SLC35F1: variants seen among roughly 807,000 people sequenced by gnomAD.
The protein encoded by SLC35F1 is chromosome 6 open reading frame 169.
SLC35F1 carries 14 observed loss-of-function variants against 48.7 expected under a neutral mutation model. That is an observed-to-expected ratio of 0.29 (90% CI 0.19 to 0.45). The LOEUF is 0.45. Among genes scored for constraint, SLC35F1 ranks in the 20% least tolerant of loss-of-function variants. The pLI is 1.00. For missense variants in SLC35F1, 404 were observed against 500.0 expected (o/e 0.81, Z 1.83); for synonymous variants, 190 against 202.2 (o/e 0.94, Z 0.51).
intron 1 of SLC35F1, among the ~76,000 whole-genome samples, chr6:118,012,765 TG>T (rs1246453791): frequency 6.6e-6 from 1 of 152,308 alleles, no homozygotes; most frequent in South Asian, 2.1e-4. Context: ...GAAATGGAAA[TG>T]GGGGCTACTG....
At chr6:118,097,335 T>C (rs962714571) in intron 1 of SLC35F1, among the ~76,000 whole-genome samples, 21 of 152,368 alleles carry the variant, frequency 1.4e-4, no homozygotes, top group African/African-American at 5.0e-4. Context: ...AATGAATGAA[T>C]GTCTGCTTCC....
intron 1 of SLC35F1, among the ~76,000 whole-genome samples, chr6:118,132,229 T>C (rs192147007): frequency 1.3e-5 from 2 of 152,264 alleles, no homozygotes; most frequent in Non-Finnish European, 2.9e-5. Context: ...ATTCTAACAA[T>C]GGAGACTTAG....
intron 1 of SLC35F1, among the ~76,000 whole-genome samples, chr6:117,946,461 G>A (rs1348834200): frequency 6.6e-6 from 1 of 152,138 alleles, no homozygotes; most frequent in African/African-American, 2.4e-5. Context: ...CCTAAGGGCT[G>A]GAGCTTGGGT....
chr6:118,300,031 T>A (rs988094146), intron 7 of SLC35F1, among the ~76,000 whole-genome samples: 2 of 152,240 alleles, frequency 1.3e-5, no homozygotes, highest in African/African-American at 4.8e-5. Flanking sequence ...CAAATAATGC[T>A]GTTATTAAGG....
intron 1 of SLC35F1, among the ~76,000 whole-genome samples, chr6:118,049,246 A>C (rs557905652): frequency 0.021 from 3,214 of 152,304 alleles, 50 homozygotes; most frequent in South Asian, 0.053. Flanking sequence ...TGTTAGACCT[A>C]AAACCATAAA....
At chr6:118,097,015 C>T (rs1167072458) in intron 1 of SLC35F1, among the ~76,000 whole-genome samples, 1 of 152,202 alleles carries the variant, frequency 6.6e-6, no homozygotes, top group Non-Finnish European at 1.5e-5. Flanking sequence ...AAGTCTTTCA[C>T]TCTTGGTTCT....
At chr6:118,195,390 C>T (rs1027767066) in intron 2 of SLC35F1, among the ~76,000 whole-genome samples, 1 of 152,134 alleles carries the variant, frequency 6.6e-6, no homozygotes, top group African/African-American at 2.4e-5. Context: ...GACTTTGCTC[C>T]TCCCTGGGTC....
chr6:117,944,634 T>C (rs1293967676), intron 1 of SLC35F1, among the ~76,000 whole-genome samples: 2 of 145,074 alleles, frequency 1.4e-5, no homozygotes, highest in Non-Finnish European at 3.1e-5. Flanking sequence ...GAATATATTC[T>C]AAATGCAAAC....
rs150324602 is a variant in SLC35F1 at position 118,218,311 on chromosome 6, G to A, written c.350-17198G>A. ...TGAGAAGCTTCATTTCTCAGCTAGA[G>A]GACTATCTACAACCTTCAGGCACCC... On this transcript the variant is annotated intron_variant, in intron 2 of 7. Transcript: ENST00000360388. Among the ~76,000 whole-genome samples, 354 of 152,208 alleles carry A rather than the reference G, an allele frequency of 2.3e-3. 2 individuals carry two copies. The highest frequency in any genetic ancestry group is 6.2e-3 in the Admixed American group (95 of 15,284).
chr6:118,202,627 A>G (rs1042197453), intron 2 of SLC35F1, among the ~76,000 whole-genome samples: 4 of 152,246 alleles, frequency 2.6e-5, no homozygotes, highest in Non-Finnish European at 4.4e-5. Flanking sequence ...AATGTGCCAC[A>G]CATTCTTCTA....
chr6:117,952,597 T>C (rs1488330789), intron 1 of SLC35F1, among the ~76,000 whole-genome samples: 3 of 152,190 alleles, frequency 2.0e-5, no homozygotes, highest in Admixed American at 2.0e-4. Context: ...AGAAGAACCC[T>C]CTGTAGCAAC....
At chr6:118,012,695 GT>G (rs1215422706) in intron 1 of SLC35F1, among the ~76,000 whole-genome samples, 1 of 152,172 alleles carries the variant, frequency 6.6e-6, no homozygotes, top group African/African-American at 2.4e-5. Flanking sequence ...TCAGAGCTAT[GT>G]GCCATTTTAT....
At chr6:118,220,462 C>T (rs1775132916) in intron 2 of SLC35F1, among the ~76,000 whole-genome samples, 1 of 152,178 alleles carries the variant, frequency 6.6e-6, no homozygotes, top group African/African-American at 2.4e-5. Flanking sequence ...TGGTTCCAGT[C>T]ACCAGCCAAG....
intron 3 of SLC35F1, among the ~76,000 whole-genome samples, chr6:118,255,693 A>G (rs1775633246): frequency 6.6e-6 from 1 of 152,212 alleles, no homozygotes. Context: ...GACATATACA[A>G]TTTACACATT....
At chr6:118,265,521 G>A (rs1414613497) in intron 3 of SLC35F1, among the ~76,000 whole-genome samples, 1 of 152,110 alleles carries the variant, frequency 6.6e-6, no homozygotes, top group Non-Finnish European at 1.5e-5. Flanking sequence ...CAGGCCTGAA[G>A]GATAAAGGAG....
intron 1 of SLC35F1, among the ~76,000 whole-genome samples, chr6:118,044,188 A>C (rs1772267523): frequency 6.6e-6 from 1 of 152,164 alleles, no homozygotes; most frequent in African/African-American, 2.4e-5. Flanking sequence ...TCTGGAACAG[A>C]TGGCTTATTC....
chr6:118,201,414 T>A (rs1372503325), intron 2 of SLC35F1, among the ~76,000 whole-genome samples: 1 of 152,180 alleles, frequency 6.6e-6, no homozygotes, highest in Non-Finnish European at 1.5e-5. Flanking sequence ...AGATGTGAAA[T>A]AAGGTAGGAA....
intron 7 of SLC35F1, among the ~76,000 whole-genome samples, chr6:118,302,609 G>C (rs1444907802): frequency 6.6e-6 from 1 of 152,114 alleles, no homozygotes; most frequent in Admixed American, 6.6e-5. Context: ...GACACCTCTA[G>C]ATTTTGAGGG....
intron 1 of SLC35F1, among the ~76,000 whole-genome samples, chr6:118,104,415 C>A (rs1385226421): frequency 2.0e-5 from 3 of 152,166 alleles, no homozygotes; most frequent in Non-Finnish European, 4.4e-5. Context: ...TAATATTGAG[C>A]TTATAAGATT....
Sources: allele counts gnomAD v4.1 joint callset (sites outside exome capture counted in the v4.1 genomes callset), GRCh38; gene constraint gnomAD v4.1.1; transcripts MANE v1.5; gene names NCBI Gene and HGNC (gene_info 2026-07-23, HGNC 2026-07-21).